The following RAB5A variants were observed in gnomAD, a reference collection of about 807,000 sequenced individuals.
RAB5A encodes the protein RAB5A, member RAS oncogene family.
RAB5A carries 8 observed loss-of-function variants against 25.7 expected under a neutral mutation model. That is an observed-to-expected ratio of 0.31 (90% CI 0.18 to 0.56). The LOEUF (loss-of-function observed/expected upper bound fraction) is 0.56, where lower values mean the gene tolerates loss of function less well. Among genes scored for constraint, RAB5A ranks in the 20% least tolerant of loss-of-function variants. RAB5A has a pLI of 0.91. For synonymous variants in RAB5A, 98 were observed against 89.8 expected (o/e 1.09, Z -0.52); for missense variants, 192 against 259.7 (o/e 0.74, Z 1.79).
intron 2 of RAB5A, among the ~76,000 whole-genome samples, chr3:19,952,654 G>A (rs1696440523): frequency 6.6e-6 from 1 of 152,082 alleles, no homozygotes; most frequent in African/African-American, 2.4e-5. Context: ...TTTTCTAATG[G>A]CTGAGCATCA....
At position 19,984,223 on chromosome 3, in the gene RAB5A, T is replaced by C. The variant is rs753656222; in HGVS notation, c.*400T>C. The stretch of plus-strand genomic sequence containing the variant: ...TTGGGCTTTTCAAAAACATTCTTTG[T>C]TTAGAAGGAGATTCTAAAGTTATTT... On this transcript the variant is annotated 3_prime_UTR_variant, in exon 6 of 6. Transcript: ENST00000273047. 123 of 423,388 alleles carry C rather than the reference T, an allele frequency of 2.9e-4. 1 individual carries two copies. Among genetic ancestry groups the C allele is most frequent in the Non-Finnish European group, 4.3e-4 (94 of 218,684 alleles). 26.2% of individuals were successfully genotyped at this position (423,388 alleles called of 1,614,324 possible). A position where few individuals can be genotyped will look rare whatever the true frequency, so the allele number is the denominator to read the frequency against.
In RAB5A at chr3:19,983,857, G is replaced by A. The variant is rs1696980779; in HGVS notation, c.*34G>A. On this transcript the variant is annotated 3_prime_UTR_variant, in exon 6 of 6. Transcript: ENST00000273047. ...TTTGAACTAGCTGGAATAGTCTTCT[G>A]CTTCCTAAATGTTAATAACAATGGA... The A allele has an allele frequency of 5.0e-6, 7 of 1,389,250 alleles. No individual in the cohort carries two copies. The highest frequency in any genetic ancestry group is 2.9e-5 in the African/African-American group (2 of 69,196). 86.1% of individuals were successfully genotyped at this position (1,389,250 alleles called of 1,614,324 possible).
In RAB5A at chr3:19,985,066, T is replaced by G; in HGVS notation, c.*1243T>G. ...GATTTAATCTATTTAAGTGTTGGAC[T>G]GCTAGGAGAACTTGTACATTTATGA... is the stretch of plus-strand genomic sequence containing the variant. On this transcript the variant is annotated 3_prime_UTR_variant, in exon 6 of 6. Coordinates refer to ENST00000273047, the MANE Select transcript of RAB5A (RefSeq NM_004162.5). The G allele has an allele frequency of 3.9e-6, 1 of 253,420 alleles. No individual in the cohort carries two copies. The highest frequency in any genetic ancestry group is 9.6e-5 in the East Asian group (1 of 10,442). 15.7% of individuals were successfully genotyped at this position (253,420 alleles called of 1,614,324 possible). A position where few individuals can be genotyped will look rare whatever the true frequency, so the allele number is the denominator to read the frequency against.
chr3:19,982,359 G>T (rs1696945140), intron 5 of RAB5A, among the ~76,000 whole-genome samples: 1 of 152,172 alleles, frequency 6.6e-6, no homozygotes, highest in Non-Finnish European at 1.5e-5. Context: ...GCATGCTAAG[G>T]TATGTTTGTG....
rs1231600612 is a variant in RAB5A, at chr3:19,947,421, G to GCCACCA, written c.-188_-183dup. The GCCACCA allele has an allele frequency of 6.4e-6, 1 of 156,676 alleles. No individual in the cohort carries two copies. The highest frequency in any genetic ancestry group is 1.4e-5 in the Non-Finnish European group (1 of 71,350). 9.7% of individuals were successfully genotyped at this position (156,676 alleles called of 1,614,324 possible). ...GCTAAGAGCAGGCGACGCCGCCGCC[G>GCCACCA]CCACCACCACCGCCATAGATACACT... On this transcript the variant is annotated 5_prime_UTR_variant, in exon 1 of 6. Transcript: ENST00000273047.
At chr3:19,962,562 C>T (rs1243319398) in intron 2 of RAB5A, among the ~76,000 whole-genome samples, 1 of 151,694 alleles carries the variant, frequency 6.6e-6, no homozygotes, top group Non-Finnish European at 1.5e-5. Context: ...GAGCGAGAGT[C>T]CATCTCAAAA....
chr3:19,957,982 T>A (rs1005083407), intron 2 of RAB5A, among the ~76,000 whole-genome samples: 1 of 152,242 alleles, frequency 6.6e-6, no homozygotes, highest in African/African-American at 2.4e-5. Context: ...TAGAAAGCTT[T>A]CTACAATTGC....
At chr3:19,975,194 C>G (rs1696805713) in intron 2 of RAB5A, among the ~76,000 whole-genome samples, 1 of 145,922 alleles carries the variant, frequency 6.9e-6, no homozygotes, top group Non-Finnish European at 1.5e-5. Flanking sequence ...CCCCTGCACT[C>G]TAGTCTGAGA....
Position 19,966,227 on chromosome 3 carries a change from C to G in RAB5A, c.164-9374C>G, listed in dbSNP as rs76899252. 9.6e-3 allele frequency among the ~76,000 whole-genome samples: 1,466 copies of G among 152,286 alleles called. 23 individuals carry two copies. Among genetic ancestry groups the G allele is most frequent in the African/African-American group, 0.031 (1,288 of 41,568 alleles). On this transcript the variant is annotated intron_variant, in intron 2 of 5. Transcript: ENST00000273047. ...CTTCCCGTGTCTGGCAACTACCATT[C>G]ACCTTTTTCTCTCTGACTCTGACTA...
chr3:19,978,428 T>C (rs1223729959), intron 5 of RAB5A, 25 bp downstream of exon 5: 1 of 1,506,026 alleles, frequency 6.6e-7, no homozygotes, highest in Non-Finnish European at 9.2e-7. Flanking sequence ...TCTTTTTAAA[T>C]GATCAATATA....
At chr3:19,968,202 A>G (rs916194044) in intron 2 of RAB5A, among the ~76,000 whole-genome samples, 1 of 151,934 alleles carries the variant, frequency 6.6e-6, no homozygotes, top group African/African-American at 2.4e-5. Context: ...TTTTAGTTTT[A>G]ATTTAATTGC....
At chr3:19,975,446 C>T in intron 2 of RAB5A, 155 bp from the exon 3 acceptor site, 7 of 607,532 alleles carry the variant, frequency 1.2e-5, no homozygotes, top group East Asian at 3.2e-5. Flanking sequence ...TTTTTTTTTC[C>T]CCCCTCATTT....
At position 19,984,327 on chromosome 3, in the gene RAB5A, A is replaced by G. The variant is rs1200631546; in HGVS notation, c.*504A>G. ...TTTAAAATGTACATTCCACATTTTA[A>G]TAAATTAACCACAAGAAAATAATCC... On this transcript the variant is annotated 3_prime_UTR_variant, in exon 6 of 6. Coordinates refer to ENST00000273047, the MANE Select transcript of RAB5A (RefSeq NM_004162.5). 1 of 409,242 alleles carries G rather than the reference A, an allele frequency of 2.4e-6. No homozygotes were observed. The highest frequency in any genetic ancestry group is 4.8e-6 in the Non-Finnish European group (1 of 209,586). The allele number at this position is 409,242 out of a possible 1,614,324, so 25.4% of individuals were successfully genotyped here.
intron 2 of RAB5A, among the ~76,000 whole-genome samples, chr3:19,956,992 T>G (rs1696513826): frequency 6.7e-6 from 1 of 150,346 alleles, no homozygotes; most frequent in African/African-American, 2.5e-5. Flanking sequence ...CCCAGGCTGG[T>G]GTACAGTGGT....
intron 2 of RAB5A, among the ~76,000 whole-genome samples, chr3:19,965,975 G>T (rs919887511): frequency 3.9e-5 from 6 of 152,108 alleles, no homozygotes; most frequent in Non-Finnish European, 5.9e-5. Context: ...CAGCATACCC[G>T]CCTGGGCCTC....
Position 19,984,413 on chromosome 3 carries a change from GGTT to G in RAB5A, c.*591_*593del, listed in dbSNP as rs1696993316. 1 of 206,086 alleles carries G rather than the reference GGTT, an allele frequency of 4.9e-6. No homozygotes were observed. The highest frequency in any genetic ancestry group is 9.9e-6 in the Non-Finnish European group (1 of 100,552). 12.8% of individuals were successfully genotyped at this position (206,086 alleles called of 1,614,324 possible). ...ATGGTATCTTAATTATACCCAGTCT[GGTT>G]TTTTTTTTTTAAATGGGGTAAAAAT... On this transcript the variant is annotated 3_prime_UTR_variant, in exon 6 of 6. Coordinates refer to ENST00000273047, the MANE Select transcript of RAB5A (RefSeq NM_004162.5).
At chr3:19,948,352 A>G (rs1347261397) in intron 1 of RAB5A, among the ~76,000 whole-genome samples, 2 of 152,256 alleles carry the variant, frequency 1.3e-5, no homozygotes, top group Admixed American at 1.3e-4. Context: ...GGAATACTCA[A>G]GACTGCTCAT....
intron 3 of RAB5A, 123 bp downstream of exon 3, chr3:19,975,875 G>T: frequency 1.5e-6 from 2 of 1,322,362 alleles, no homozygotes; most frequent in Non-Finnish European, 2.1e-6. Flanking sequence ...TGAAGCTTTT[G>T]TGAATTAGAA....
chr3:19,950,195 T>C (rs1005652995), intron 1 of RAB5A, among the ~76,000 whole-genome samples: 1 of 152,204 alleles, frequency 6.6e-6, no homozygotes, highest in Non-Finnish European at 1.5e-5. Flanking sequence ...AGGAAACAGT[T>C]TTAAGTCTGC....
Sources: allele counts gnomAD v4.1 joint callset (sites outside exome capture counted in the v4.1 genomes callset), GRCh38; gene constraint gnomAD v4.1.1; transcripts MANE v1.5; gene names NCBI Gene and HGNC (gene_info 2026-07-23, HGNC 2026-07-21).